The following SH3YL1 variants were observed in gnomAD, a reference collection of about 807,000 sequenced individuals.
The protein encoded by SH3YL1 is SH3 and SYLF domain containing 1.
Under a neutral mutation model 45.8 loss-of-function variants are expected in SH3YL1, and 41 were observed. The observed-to-expected ratio is 0.89, with a 90% CI of 0.70 to 1.16. The LOEUF is 1.16. Ranked by LOEUF, SH3YL1 falls within the 50% of genes most tolerant of loss-of-function variation. The pLI, the probability that SH3YL1 is intolerant of heterozygous loss-of-function variation, is 0.00. For synonymous variants in SH3YL1, 152 were observed against 151.4 expected (o/e 1.00, Z -0.03); for missense variants, 389 against 409.6 (o/e 0.95, Z 0.43).
intron 3 of SH3YL1, 31 bp from the exon 4 acceptor site, chr2:247,633 A>C: frequency 6.6e-7 from 1 of 1,508,684 alleles, no homozygotes; most frequent in Non-Finnish European, 9.0e-7. Context: ...CGTTATCCTA[A>C]CATTAAAACA....
rs1177107087 is a variant in SH3YL1, at chr2:246,195, C to CA, written c.291+1342dup. ...GGGTAACAAGAGTGAAACTCCATCTCAAAAAAAAAAAGAGAAAAAAGAAAA... is the reference window on the plus strand; with the variant it reads ...GGGTAACAAGAGTGAAACTCCATCTCAAAAAAAAAAAAGAGAAAAAAGAAAA... On this transcript the variant is annotated intron_variant, in intron 4 of 9. Coordinates refer to ENST00000356150, the MANE Select transcript of SH3YL1 (RefSeq NM_015677.4). 6.0e-3 allele frequency among the ~76,000 whole-genome samples: 754 copies of CA among 124,808 alleles called. 4 individuals are homozygous for CA. The highest frequency in any genetic ancestry group is 0.012 in the Middle Eastern group (3 of 256). 81.9% of individuals were successfully genotyped at this position (124,808 alleles called of 152,430 possible). A position where few individuals can be genotyped will look rare whatever the true frequency, so the allele number is the denominator to read the frequency against.
chr2:257,387 T>A (rs1669387945), intron 1 of SH3YL1, among the ~76,000 whole-genome samples: 1 of 152,224 alleles, frequency 6.6e-6, no homozygotes, highest in South Asian at 2.1e-4. Context: ...TAAAACAGGC[T>A]AAATGTGACC....
chr2:259,117 T>C (rs1230212305), intron 1 of SH3YL1, among the ~76,000 whole-genome samples: 3 of 152,184 alleles, frequency 2.0e-5, no homozygotes, highest in Non-Finnish European at 1.5e-5. Context: ...CTGTTCCCCT[T>C]ATCTTGTGGA....
chr2:262,494 A>T (rs1273508139), intron 1 of SH3YL1: 1 of 886,886 alleles, frequency 1.1e-6, no homozygotes, highest in Admixed American at 2.8e-5. Flanking sequence ...ATCTTGGTAC[A>T]GAGCAGTTCC....
chr2:221,742 C>T (rs916321043), intron 9 of SH3YL1, among the ~76,000 whole-genome samples: 17 of 152,152 alleles, frequency 1.1e-4, no homozygotes, highest in African/African-American at 3.6e-4. Context: ...GGGAGGAGTA[C>T]AAGAGAGTCA....
chr2:239,083 A>T (rs1410191100), intron 4 of SH3YL1, among the ~76,000 whole-genome samples: 1 of 152,204 alleles, frequency 6.6e-6, no homozygotes, highest in Non-Finnish European at 1.5e-5. Flanking sequence ...ACGATGCAAT[A>T]AGCTATCCAG....
intron 6 of SH3YL1, among the ~76,000 whole-genome samples, chr2:232,106 C>T (rs1228023426): frequency 6.6e-6 from 1 of 152,102 alleles, no homozygotes; most frequent in Non-Finnish European, 1.5e-5. Context: ...AGCTCTTTAT[C>T]TCTTTCTGGG....
chr2:248,035 T>C (rs754538516), intron 3 of SH3YL1, among the ~76,000 whole-genome samples: 5 of 152,328 alleles, frequency 3.3e-5, no homozygotes, highest in Middle Eastern at 6.8e-3. Context: ...AACGGTAACA[T>C]AATAATTGTT....
Position 249,705 on chromosome 2 carries a change from A to C in SH3YL1, c.226+26T>G, listed in dbSNP as rs1157457276. 5 of 1,445,854 alleles carry C rather than the reference A, an allele frequency of 3.5e-6. No individual in the cohort carries two copies. The Admixed American group carries it at 9.8e-5, about 28-fold the overall frequency. 89.6% of individuals were successfully genotyped at this position (1,445,854 alleles called of 1,614,324 possible). A position where few individuals can be genotyped will look rare whatever the true frequency, so the allele number is the denominator to read the frequency against. ...ACAGAACAAAGAATGAAGACTCTCT[A>C]CTCCAGTGAACAGACGCCAACTTAC... On this transcript the variant is annotated intron_variant, in intron 3 of 9. Coordinates refer to ENST00000356150, the MANE Select transcript of SH3YL1 (RefSeq NM_015677.4).
At chr2:256,116 G>T (rs62114538) in intron 1 of SH3YL1, 49,242 of 152,038 alleles carry the variant, frequency 0.32, 8,223 homozygotes, top group Non-Finnish European at 0.37. Flanking sequence ...GTGCCAATCT[G>T]ATTTCTGTCA....
At chr2:259,318 G>A (rs1669489507) in intron 1 of SH3YL1, 2 of 152,110 alleles carry the variant, frequency 1.3e-5, no homozygotes, top group Admixed American at 6.6e-5. Flanking sequence ...GGTTTCTCAT[G>A]CACCTTGTTA....
At chr2:230,136 A>C (rs1408650861) in intron 7 of SH3YL1, 92 bp from the exon 8 acceptor site, 1 of 878,232 alleles carries the variant, frequency 1.1e-6, no homozygotes, top group Non-Finnish European at 1.8e-6. Context: ...TTATGTAGCA[A>C]ACTTTTATCA....
chr2:246,784 G>A (rs1668834918), intron 4 of SH3YL1, among the ~76,000 whole-genome samples: 1 of 152,010 alleles, frequency 6.6e-6, no homozygotes, highest in Non-Finnish European at 1.5e-5. Context: ...TTATACAGCA[G>A]TGAGTAAGAA....
Position 264,008 on chromosome 2 carries a change from C to A in SH3YL1, c.-24G>T. On this transcript the variant is annotated 5_prime_UTR_variant, in exon 1 of 10. Transcript: ENST00000356150. ...CTGCTGCCCGCCCGGCCGCGGCGCC[C>A]CGTCCCGAGGCTGCCCAGGAAGAGG... is the stretch of plus-strand genomic sequence containing the variant. 1 of 1,446,044 alleles carries A rather than the reference C, an allele frequency of 6.9e-7. No homozygotes were observed. Among genetic ancestry groups the A allele is most frequent in the South Asian group, 1.4e-5 (1 of 71,986 alleles). The allele number at this position is 1,446,044 out of a possible 1,614,324, so 89.6% of individuals were successfully genotyped here.
At chr2:264,682 G>C (rs1315769835), upstream of SH3YL1, 1 of 260,062 alleles carries the variant, frequency 3.8e-6, no homozygotes, top group Non-Finnish European at 7.3e-6. Context: ...CACCCCCGCA[G>C]CTCCTCCTCC....
At chr2:227,909 G>GTT (rs1491047424) in intron 8 of SH3YL1, among the ~76,000 whole-genome samples, 1 of 148,718 alleles carries the variant, frequency 6.7e-6, no homozygotes, top group Non-Finnish European at 1.5e-5. Flanking sequence ...GTGTGTGTGT[G>GTT]TAAGGATATG....
chr2:243,139 G>T (rs762589660), intron 4 of SH3YL1, among the ~76,000 whole-genome samples: 2 of 152,066 alleles, frequency 1.3e-5, no homozygotes, highest in Admixed American at 1.3e-4. Flanking sequence ...GATTATCAAG[G>T]ATATGGAACA....
At chr2:249,908 A>T in intron 2 of SH3YL1, 64 bp from the exon 3 acceptor site, 1 of 1,107,360 alleles carries the variant, frequency 9.0e-7, no homozygotes. Context: ...TAGACGAGCA[A>T]GTGTTAAACA....
rs571683725 is a variant in SH3YL1, at chr2:233,189, C to T, written c.445G>A (p.Val149Ile). 1.2e-4 allele frequency: 192 copies of T among 1,593,342 alleles called. 1 individual carries two copies. The South Asian group carries it at 1.8e-3, about 15-fold the overall frequency. The change falls in exon 6 of 10, where the codon GTC (valine) becomes ATC (isoleucine). Residue 149 changes from valine (V) to isoleucine (I), a missense_variant. Transcript: ENST00000356150. ...GNVALRSSAA[V>I]FTYCKSRGLF... ...CCCCTTGACTTGCAGTACGTGAAGA[C>T]GGCAGCGGAGCTTCTCAGGGCCACG... is the stretch of plus-strand genomic sequence containing the variant.
Sources: gnomAD v4.1 joint callset for allele counts (sites outside exome capture counted in the v4.1 genomes callset) on GRCh38, gnomAD v4.1.1 for gene constraint, MANE v1.5 for transcripts, NCBI Gene and HGNC (gene_info 2026-07-23, HGNC 2026-07-21) for gene names.